Variants in SIDT1 observed in about 807,000 individuals in gnomAD.
SIDT1 encodes the protein SID1 transmembrane family member 1, also known as SID1 transmembrane family, member 1.
A neutral mutation model predicts 107.5 loss-of-function variants in SIDT1; 101 were observed. That is an observed-to-expected ratio of 0.94 (90% CI 0.80 to 1.11). The LOEUF is 1.11. Among genes scored for constraint, SIDT1 ranks in the 50% least tolerant of loss-of-function variants. The probability of loss-of-function intolerance (pLI) is 0.00; values close to 1 mark genes in which losing one functional copy is unlikely to be tolerated. For synonymous variants in SIDT1, 395 were observed against 398.2 expected, an observed-to-expected ratio of 0.99 and a Z score of 0.10; for missense variants, 1,076 against 1,058.2, an observed-to-expected ratio of 1.02 and a Z score of -0.23.
At chr3:113,600,890 AG>A (rs1944913697) in intron 10 of SIDT1, among the ~76,000 whole-genome samples, 1 of 152,240 alleles carries the variant, frequency 6.6e-6, no homozygotes, top group African/African-American at 2.4e-5. Context: ...CTCCAAGCCT[AG>A]TAACAGTGCC....
intron 10 of SIDT1, among the ~76,000 whole-genome samples, chr3:113,600,206 A>G (rs1010530622): frequency 1.3e-5 from 2 of 152,102 alleles, no homozygotes; most frequent in Admixed American, 6.5e-5. Flanking sequence ...GCTACTCAGG[A>G]GGCCGAGGCA....
At chr3:113,556,131 C>T (rs898931682) in intron 1 of SIDT1, among the ~76,000 whole-genome samples, 1 of 152,168 alleles carries the variant, frequency 6.6e-6, no homozygotes, top group African/African-American at 2.4e-5. Flanking sequence ...TTGTCCAAGG[C>T]CTCCTAGCTA....
intron 3 of SIDT1, among the ~76,000 whole-genome samples, chr3:113,570,541 G>A (rs1282633497): frequency 6.6e-6 from 1 of 152,198 alleles, no homozygotes; most frequent in African/African-American, 2.4e-5. Flanking sequence ...TTATTTGCAC[G>A]CTGGTGAAAC....
At chr3:113,549,845 G>A (rs750261450) in intron 1 of SIDT1, among the ~76,000 whole-genome samples, 2 of 151,810 alleles carry the variant, frequency 1.3e-5, no homozygotes, top group Non-Finnish European at 2.9e-5. Flanking sequence ...TTTCTCCTAC[G>A]CTATCTTTTG....
intron 15 of SIDT1, 36 bp from the exon 16 acceptor site, chr3:113,608,058 C>G (rs1235188518): frequency 1.3e-5 from 20 of 1,522,496 alleles, no homozygotes; most frequent in Non-Finnish European, 1.6e-5. Context: ...CTTTGATGGT[C>G]TTGACTCTCT....
intron 14 of SIDT1, 47 bp downstream of exon 14, chr3:113,605,023 G>A: frequency 6.2e-7 from 1 of 1,601,564 alleles, no homozygotes; most frequent in Non-Finnish European, 8.5e-7. Context: ...CTTTCTTTCT[G>A]CAGGGAGAGT....
At chr3:113,590,886 G>A (rs993650503) in intron 9 of SIDT1, among the ~76,000 whole-genome samples, 1 of 152,168 alleles carries the variant, frequency 6.6e-6, no homozygotes, top group Non-Finnish European at 1.5e-5. Context: ...GCAGTAAATA[G>A]AATAATGGTC....
chr3:113,623,488 A>T lies in SIDT1; in HGVS notation c.2152A>T (p.Ile718Phe), dbSNP rs372335343. The part of the protein sequence containing the change: ...DFASYMLGIF[I>F]CNLLLYLAFY... Reference sequence around the variant, plus strand: ...TGCTTCCTACATGCTGGGCATCTTCATCTGTAACCTTTTGCTGTACCTGGC... The same window carrying T: ...TGCTTCCTACATGCTGGGCATCTTCTTCTGTAACCTTTTGCTGTACCTGGC... The change falls in exon 22 of 25, where the codon ATC becomes TTC. Residue 718 changes from isoleucine to phenylalanine, a missense_variant. By Grantham distance (21) the Ile-to-Phe change is conservative. Transcript: ENST00000264852. The T allele has an allele frequency of 3.1e-5, 50 of 1,614,076 alleles. 2 individuals carry two copies. In the South Asian group the frequency reaches 4.9e-4, roughly 16 times the overall value.
At chr3:113,593,105 C>T (rs1944294886) in intron 10 of SIDT1, 57 bp downstream of exon 10, 1 of 1,369,576 alleles carries the variant, frequency 7.3e-7, no homozygotes, top group African/African-American at 1.4e-5. Context: ...GGCAACATCC[C>T]ATTTCATGCT....
chr3:113,624,607 T>C (rs1306096485), intron 23 of SIDT1, among the ~76,000 whole-genome samples: 3 of 152,202 alleles, frequency 2.0e-5, no homozygotes, highest in Admixed American at 1.3e-4. Flanking sequence ...ACATATAAAA[T>C]TTACCATCGT....
In SIDT1 at chr3:113,584,682, A is replaced by AT. The variant is rs140596561; in HGVS notation, c.836-8dup. ...ATTCAATGTGCTTTGTTCTTTTTTTATTTTTTTTAAACCAGAAAAGGAAAA... is the reference window on the plus strand; with the variant it reads ...ATTCAATGTGCTTTGTTCTTTTTTTATTTTTTTTTAAACCAGAAAAGGAAAA... On this transcript the variant is annotated splice_polypyrimidine_tract_variant and intron_variant, in intron 7 of 24. Coordinates refer to ENST00000264852, the MANE Select transcript of SIDT1 (RefSeq NM_017699.3). 0.033 allele frequency: 52,065 copies of AT among 1,568,982 alleles called. 1,127 individuals carry two copies. The highest frequency in any genetic ancestry group is 0.1 in the East Asian group (4,610 of 44,336).
At position 113,601,674 on chromosome 3, in the gene SIDT1, G is replaced by A; in HGVS notation, c.1117+15G>A. On this transcript the variant is annotated intron_variant, in intron 11 of 24. Coordinates refer to ENST00000264852, the MANE Select transcript of SIDT1 (RefSeq NM_017699.3). Reference sequence around the variant, plus strand: ...TGGGACAATAGGTATGTCCTACCAGGTCTGTTCATGAAAGTGTTTCCTAAT... The same window carrying A: ...TGGGACAATAGGTATGTCCTACCAGATCTGTTCATGAAAGTGTTTCCTAAT... The A allele has an allele frequency of 6.3e-7, 1 of 1,590,718 alleles. No homozygotes were observed. Among genetic ancestry groups the A allele is most frequent in the Non-Finnish European group, 8.6e-7 (1 of 1,161,082 alleles).
chr3:113,627,944 G>T lies in SIDT1; in HGVS notation c.*236G>T. The stretch of plus-strand genomic sequence containing the variant: ...AAACCTGAGGAGCTGAGAAACACTT[G>T]CTCCTTCCATCTGCAGCTTTGGGAG... On this transcript the variant is annotated 3_prime_UTR_variant, in exon 25 of 25. Transcript: ENST00000264852. 1 of 543,338 alleles carries T rather than the reference G, an allele frequency of 1.8e-6. No individual in the cohort carries two copies. The allele number at this position is 543,338 out of a possible 1,614,324, so 33.7% of individuals were successfully genotyped here.
chr3:113,540,475 T>C (rs1938691166), intron 1 of SIDT1, among the ~76,000 whole-genome samples: 1 of 152,250 alleles, frequency 6.6e-6, no homozygotes, highest in African/African-American at 2.4e-5. Context: ...GATTTATTTA[T>C]ACAGTTTGTT....
At chr3:113,627,366 C>T (rs1441730052) in intron 24 of SIDT1, among the ~76,000 whole-genome samples, 1 of 152,220 alleles carries the variant, frequency 6.6e-6, no homozygotes, top group East Asian at 1.9e-4. Flanking sequence ...AGAATGTAAG[C>T]TACATGGAGA....
chr3:113,596,370 C>G (rs1576898622), intron 10 of SIDT1, among the ~76,000 whole-genome samples: 1 of 152,138 alleles, frequency 6.6e-6, no homozygotes, highest in African/African-American at 2.4e-5. Context: ...CTTTGATATG[C>G]CTGAAGTGAT....
chr3:113,616,216 AAGC>A, intron 20 of SIDT1, 40 bp downstream of exon 20: 1 of 1,471,246 alleles, frequency 6.8e-7, no homozygotes, highest in Non-Finnish European at 9.5e-7. Context: ...CTGTCCCAGA[AAGC>A]AGGGGAATAG....
intron 1 of SIDT1, among the ~76,000 whole-genome samples, chr3:113,555,871 C>A (rs1203577372): frequency 7.2e-6 from 1 of 138,980 alleles, no homozygotes; most frequent in Non-Finnish European, 1.5e-5. Context: ...TTTTTTTGCC[C>A]GGGGTGATTG....
At chr3:113,552,119 A>G (rs1940319147) in intron 1 of SIDT1, among the ~76,000 whole-genome samples, 1 of 152,186 alleles carries the variant, frequency 6.6e-6, no homozygotes, top group Non-Finnish European at 1.5e-5. Flanking sequence ...TACCTGGAGC[A>G]TATGTTATGG....
Sources: allele counts gnomAD v4.1 joint callset (sites outside exome capture counted in the v4.1 genomes callset), GRCh38; gene constraint gnomAD v4.1.1; transcripts MANE v1.5; gene names NCBI Gene and HGNC (gene_info 2026-07-23, HGNC 2026-07-21).